The following POLD3 variants were observed in gnomAD, a reference collection of about 807,000 sequenced individuals.
POLD3 encodes DNA polymerase delta 3, accessory subunit.
A neutral mutation model predicts 58.2 loss-of-function variants in POLD3; 19 were observed. The observed-to-expected ratio is 0.33, with a 90% CI of 0.23 to 0.48. The LOEUF (loss-of-function observed/expected upper bound fraction) is 0.48. POLD3 is among the 20% of genes least tolerant of loss of function. The pLI, the probability that POLD3 is intolerant of heterozygous loss-of-function variation, is 0.99. For synonymous variants in POLD3, 172 were observed against 193.5 expected (o/e 0.89, Z 0.92); for missense variants, 504 against 545.5 (o/e 0.92, Z 0.76).
chr11:74,610,515 G>C (rs911062124), intron 3 of POLD3, among the ~76,000 whole-genome samples: 2 of 151,974 alleles, frequency 1.3e-5, no homozygotes, highest in African/African-American at 4.8e-5. Context: ...GGCCTTTCTT[G>C]CCCATTTTCT....
At chr11:74,608,957 C>T (rs953819922) in intron 3 of POLD3, among the ~76,000 whole-genome samples, 1 of 152,076 alleles carries the variant, frequency 6.6e-6, no homozygotes, top group Non-Finnish European at 1.5e-5. Flanking sequence ...TATGGTTACA[C>T]TTTTTAAAAA....
chr11:74,669,081 A>G (rs574193628), exon 5 of POLD3: 14 of 260,516 alleles, frequency 5.4e-5, no homozygotes, highest in Admixed American at 4.6e-4. Context: ...CAGTCAGAGG[A>G]CCCAGGGTCT....
intron 2 of POLD3, among the ~76,000 whole-genome samples, chr11:74,598,955 T>C (rs539791636): frequency 1.3e-5 from 2 of 152,304 alleles, no homozygotes; most frequent in South Asian, 4.1e-4. Flanking sequence ...TTGGAAAATA[T>C]AACATGCCAC....
At chr11:74,620,110 C>T (rs1312059435) in intron 7 of POLD3, 21 bp downstream of exon 7, 3 of 1,524,444 alleles carry the variant, frequency 2.0e-6, no homozygotes. Flanking sequence ...TCTTACCTCA[C>T]TTTGACTAAC....
intron 4 of POLD3, 133 bp downstream of exon 4, chr11:74,611,671 G>A: frequency 1.6e-6 from 1 of 609,868 alleles, no homozygotes; most frequent in African/African-American, 2.0e-5. Context: ...CATTTTATGA[G>A]TAGTTTTTAA....
intron 9 of POLD3, among the ~76,000 whole-genome samples, chr11:74,631,151 CTTA>C (rs2032577940): frequency 6.6e-6 from 1 of 152,116 alleles, no homozygotes; most frequent in Admixed American, 6.5e-5. Context: ...CAGTCTTTAA[CTTA>C]TTATTGCTTT....
At chr11:74,607,585 A>G (rs867724678) in intron 3 of POLD3, among the ~76,000 whole-genome samples, 2 of 151,474 alleles carry the variant, frequency 1.3e-5, no homozygotes, top group African/African-American at 4.8e-5. Flanking sequence ...TTTTTTATTT[A>G]TTTATTTATT....
At chr11:74,610,897 C>G (rs374837598) in intron 3 of POLD3, among the ~76,000 whole-genome samples, 7 of 152,066 alleles carry the variant, frequency 4.6e-5, no homozygotes, top group South Asian at 4.2e-4. Flanking sequence ...ACCTCACCCC[C>G]CTGAGTAGCT....
At chr11:74,598,800 A>G (rs567908922) in intron 2 of POLD3, among the ~76,000 whole-genome samples, 26 of 152,238 alleles carry the variant, frequency 1.7e-4, no homozygotes. Flanking sequence ...GTTCCAGCAC[A>G]ATGTAGAGCC....
chr11:74,633,370 T>C (rs1401911649), intron 9 of POLD3, among the ~76,000 whole-genome samples: 1 of 152,194 alleles, frequency 6.6e-6, no homozygotes, highest in African/African-American at 2.4e-5. Context: ...CCAGAGCTTA[T>C]AAAGTTTTTG....
intron 10 of POLD3, among the ~76,000 whole-genome samples, chr11:74,635,820 G>GC (rs2032731883): frequency 6.6e-6 from 1 of 152,182 alleles, no homozygotes; most frequent in Non-Finnish European, 1.5e-5. Context: ...ATCTGTCTCA[G>GC]CCCTCACTAC....
At chr11:74,622,833 A>G (rs1425180917) in intron 7 of POLD3, among the ~76,000 whole-genome samples, 1 of 150,992 alleles carries the variant, frequency 6.6e-6, no homozygotes, top group Non-Finnish European at 1.5e-5. Context: ...TTCCTCTCCT[A>G]GATATCTACA....
intron 11 of POLD3, among the ~76,000 whole-genome samples, 153 bp downstream of exon 11, chr11:74,636,428 T>G (rs2032752501): frequency 6.6e-6 from 1 of 152,212 alleles, no homozygotes; most frequent in African/African-American, 2.4e-5. Flanking sequence ...TGGCATACAC[T>G]TTGTGTAGCA....
intron 9 of POLD3, among the ~76,000 whole-genome samples, chr11:74,634,195 C>T (rs571795293): frequency 8.5e-4 from 129 of 152,280 alleles, no homozygotes; most frequent in South Asian, 2.3e-3. Flanking sequence ...AGTTTAGGAA[C>T]CCCTCTGAAC....
At chr11:74,640,410 A>G (rs1402871162) in intron 11 of POLD3, among the ~76,000 whole-genome samples, 154 bp from the exon 12 acceptor site, 1 of 152,194 alleles carries the variant, frequency 6.6e-6, no homozygotes, top group Non-Finnish European at 1.5e-5. Flanking sequence ...CTTAGGCTAG[A>G]TCTGATCTCC....
chr11:74,640,948 C>G lies in POLD3; in HGVS notation c.*182C>G. ...TAACCAAAAGGAAATCATCTGGAAG[C>G]AGGAGGCAAAAAGCTGTTACCTTCT... On this transcript the variant is annotated 3_prime_UTR_variant, in exon 12 of 12. Coordinates refer to ENST00000263681, the MANE Select transcript of POLD3 (RefSeq NM_006591.3). 1 of 1,264,862 alleles carries G rather than the reference C, an allele frequency of 7.9e-7. No homozygotes were observed. Among genetic ancestry groups the G allele is most frequent in the South Asian group, 3.1e-5 (1 of 32,198 alleles). 78.4% of individuals were successfully genotyped at this position (1,264,862 alleles called of 1,614,324 possible).
intron 4 of POLD3, among the ~76,000 whole-genome samples, chr11:74,649,282 C>T (rs190738985): frequency 1.1e-3 from 167 of 152,204 alleles, no homozygotes; most frequent in African/African-American, 3.9e-3. Context: ...TCATTTGATC[C>T]GTAACAACTT....
downstream of POLD3, among the ~76,000 whole-genome samples, chr11:74,647,528 A>C (rs772572434): frequency 6.6e-6 from 1 of 152,204 alleles, no homozygotes; most frequent in Non-Finnish European, 1.5e-5. Flanking sequence ...TTGTGTCTTC[A>C]GATGCTGCAT....
At chr11:74,651,125 T>A (rs1309721197) in intron 4 of POLD3, among the ~76,000 whole-genome samples, 1 of 152,230 alleles carries the variant, frequency 6.6e-6, no homozygotes, top group Non-Finnish European at 1.5e-5. Context: ...GGCTATCTCC[T>A]CCACCACAAT....
Sources: gnomAD v4.1 joint callset for allele counts (sites outside exome capture counted in the v4.1 genomes callset) on GRCh38, gnomAD v4.1.1 for gene constraint, MANE v1.5 for transcripts, NCBI Gene and HGNC (gene_info 2026-07-23, HGNC 2026-07-21) for gene names.